Variants in MKLN1 observed in about 807,000 individuals in gnomAD.
MKLN1 encodes muskelin.
MKLN1 carries 18 observed loss-of-function variants against 99.0 expected under a neutral mutation model. The observed-to-expected ratio is 0.18, with a 90% CI of 0.13 to 0.27. The LOEUF (loss-of-function observed/expected upper bound fraction) is 0.27. MKLN1 is among the 10% of genes least tolerant of loss of function. MKLN1 has a pLI of 1.00. For missense variants in MKLN1, 621 were observed against 875.9 expected (o/e 0.71, Z 3.67); for synonymous variants, 288 against 293.2 (o/e 0.98, Z 0.18).
intron 3 of MKLN1, among the ~76,000 whole-genome samples, chr7:131,241,545 A>G (rs12671602): frequency 0.29 from 44,730 of 152,110 alleles, 7,301 homozygotes; most frequent in East Asian, 0.48. Flanking sequence ...TGTCGCTACA[A>G]AAATTTTTAA....
chr7:131,377,597 C>G (rs558629255), intron 2 of MKLN1, among the ~76,000 whole-genome samples: 31 of 152,040 alleles, frequency 2.0e-4, no homozygotes, highest in Non-Finnish European at 3.8e-4. Flanking sequence ...AAGGAAAATT[C>G]AGTGATCATA....
intron 3 of MKLN1, among the ~76,000 whole-genome samples, chr7:131,227,495 C>CTTTCTCTTTCTTTCTT (rs767797052): frequency 2.6e-4 from 30 of 115,788 alleles, no homozygotes; most frequent in African/African-American, 9.5e-4. Context: ...CTCTTTCTTT[C>CTTTCTCTTTCTTTCTT]TCTTTCTTTC....
intron 6 of MKLN1, among the ~76,000 whole-genome samples, chr7:131,401,903 CTTT>C (rs549081739): frequency 6.6e-6 from 1 of 152,182 alleles, no homozygotes; most frequent in Non-Finnish European, 1.5e-5. Flanking sequence ...GAGTTATACT[CTTT>C]TTGCTAGTGA....
intron 3 of MKLN1, among the ~76,000 whole-genome samples, chr7:131,250,839 C>T (rs980397708): frequency 6.6e-6 from 1 of 152,146 alleles, no homozygotes; most frequent in African/African-American, 2.4e-5. Context: ...CATCTTAAGT[C>T]CTTCTACATC....
rs545715208 is a variant in MKLN1 at position 131,205,027 on chromosome 7, G to A, written c.-179+2053G>A. On this transcript the variant is annotated intron_variant, in intron 3 of 7. Coordinates refer to the MKLN1 transcript ENST00000416992. ...GCAGGAGAATTGCTTGAACCCAGGAGGCAAAGGTTGCAGTGAGCCAAGATT... is the reference window on the plus strand; with the variant it reads ...GCAGGAGAATTGCTTGAACCCAGGAAGCAAAGGTTGCAGTGAGCCAAGATT... Among the ~76,000 whole-genome samples, 6 of 151,974 alleles carry A rather than the reference G, an allele frequency of 3.9e-5. No individual in the cohort carries two copies. In the East Asian group the frequency reaches 1.2e-3, roughly 29 times the overall value.
chr7:131,210,992 G>C (rs1470419419), intron 3 of MKLN1, among the ~76,000 whole-genome samples: 1 of 151,610 alleles, frequency 6.6e-6, no homozygotes, highest in South Asian at 2.1e-4. Flanking sequence ...CCATGGTGGG[G>C]CAACACTGTC....
chr7:131,442,510 G>C (rs1795868027), intron 10 of MKLN1, among the ~76,000 whole-genome samples: 1 of 152,096 alleles, frequency 6.6e-6, no homozygotes, highest in African/African-American at 2.4e-5. Flanking sequence ...TCATGCTGTT[G>C]CACTCTAGCC....
intron 12 of MKLN1, among the ~76,000 whole-genome samples, chr7:131,456,904 T>C (rs898072018): frequency 2.0e-5 from 3 of 151,336 alleles, no homozygotes; most frequent in African/African-American, 7.3e-5. Context: ...CATACTGATA[T>C]AACTAGACAG....
intron 1 of MKLN1, among the ~76,000 whole-genome samples, chr7:131,358,346 T>C (rs1224719717): frequency 6.6e-6 from 1 of 152,216 alleles, no homozygotes; most frequent in Admixed American, 6.6e-5. Context: ...AATACATTAA[T>C]TGATTTTGGG....
At chr7:131,204,033 G>A (rs1283282732) in intron 3 of MKLN1, among the ~76,000 whole-genome samples, 1 of 152,146 alleles carries the variant, frequency 6.6e-6, no homozygotes, top group Non-Finnish European at 1.5e-5. Context: ...TAACTACCAA[G>A]CTATACTTCT....
At chr7:131,149,748 C>T (rs1795862944) in intron 2 of MKLN1, among the ~76,000 whole-genome samples, 1 of 152,204 alleles carries the variant, frequency 6.6e-6, no homozygotes, top group Non-Finnish European at 1.5e-5. Flanking sequence ...GTTTTTCAAA[C>T]ATGTAATTTA....
At chr7:131,419,456 G>A (rs2116376390) in intron 8 of MKLN1, among the ~76,000 whole-genome samples, 1 of 151,814 alleles carries the variant, frequency 6.6e-6, no homozygotes, top group East Asian at 1.9e-4. Flanking sequence ...TGGCCAGGCT[G>A]GTCTTGAACT....
intron 16 of MKLN1, among the ~76,000 whole-genome samples, chr7:131,477,718 A>C (rs940164069): frequency 2.0e-5 from 3 of 152,206 alleles, no homozygotes; most frequent in Non-Finnish European, 2.9e-5. Context: ...AGGGCTTACA[A>C]ATGTTGGTAT....
chr7:131,388,477 A>G (rs561106141), intron 3 of MKLN1, among the ~76,000 whole-genome samples: 1 of 152,336 alleles, frequency 6.6e-6, no homozygotes, highest in African/African-American at 2.4e-5. Flanking sequence ...GAATTAAATA[A>G]CTAAATTCTT....
chr7:131,222,902 C>T (rs1362904466), intron 3 of MKLN1, among the ~76,000 whole-genome samples: 2 of 151,060 alleles, frequency 1.3e-5, no homozygotes, highest in Non-Finnish European at 2.9e-5. Flanking sequence ...ACTAGCCATG[C>T]ATGGTGGTGC....
In MKLN1 at chr7:131,405,285, A is replaced by G. The variant is rs567269091; in HGVS notation, c.703+5852A>G. Reference sequence around the variant, plus strand: ...GTGCACTAGTCTCTTGAGAGAACCAATTTTTGGTTTGTTCATCTTTTCTGC... The same window carrying G: ...GTGCACTAGTCTCTTGAGAGAACCAGTTTTTGGTTTGTTCATCTTTTCTGC... On this transcript the variant is annotated intron_variant, in intron 6 of 17. Coordinates refer to ENST00000352689, the MANE Select transcript of MKLN1 (RefSeq NM_013255.5). Among the ~76,000 whole-genome samples the G allele has an allele frequency of 3.3e-3, 463 of 141,250 alleles. 2 individuals are homozygous for G. Among genetic ancestry groups the G allele is most frequent in the African/African-American group, 0.012 (438 of 37,720 alleles). 92.7% of individuals were successfully genotyped at this position (141,250 alleles called of 152,430 possible).
intron 3 of MKLN1, among the ~76,000 whole-genome samples, chr7:131,281,079 T>C (rs1584887792): frequency 6.6e-6 from 1 of 152,348 alleles, no homozygotes; most frequent in East Asian, 1.9e-4. Flanking sequence ...TTTCTTTTGT[T>C]ACTTCTGCTT....
chr7:131,277,946 G>A (rs1046213056), intron 3 of MKLN1, among the ~76,000 whole-genome samples: 1 of 152,226 alleles, frequency 6.6e-6, no homozygotes, highest in South Asian at 2.1e-4. Context: ...ATGATCAATA[G>A]ATGTAAGATC....
intron 3 of MKLN1, among the ~76,000 whole-genome samples, chr7:131,287,851 A>T (rs391969): frequency 6.6e-6 from 1 of 152,036 alleles, no homozygotes; most frequent in African/African-American, 2.4e-5. Context: ...GTGAGTTCTC[A>T]TGAGATCTGA....
Sources: gnomAD v4.1 joint callset for allele counts (sites outside exome capture counted in the v4.1 genomes callset) on GRCh38, gnomAD v4.1.1 for gene constraint, MANE v1.5 for transcripts, NCBI Gene and HGNC (gene_info 2026-07-23, HGNC 2026-07-21) for gene names.